The following AOPEP variants were observed in gnomAD, a reference collection of about 807,000 sequenced individuals.
AOPEP encodes aminopeptidase O (putative).
AOPEP carries 77 observed loss-of-function variants against 98.1 expected under a neutral mutation model. The ratio of observed to expected loss-of-function variants is 0.78; its 90% CI spans 0.65 to 0.95. AOPEP has a LOEUF of 0.95. Ranked by LOEUF, AOPEP falls within the 40% of genes least tolerant of loss-of-function variation. The pLI is 0.00. For missense variants in AOPEP, 1,024 were observed against 1,024.7 expected (o/e 1.00, Z 0.01); for synonymous variants, 346 against 365.3 (o/e 0.95, Z 0.60).
At chr9:94,841,602 A>G (rs377274140) in intron 5 of AOPEP, among the ~76,000 whole-genome samples, 7 of 152,206 alleles carry the variant, frequency 4.6e-5, no homozygotes, top group African/African-American at 1.7e-4. Flanking sequence ...TTGTTGGGAG[A>G]TGCTCCTATT....
chr9:95,064,870 A>G lies in AOPEP; in HGVS notation c.2232+4060A>G, dbSNP rs141449429. On this transcript the variant is annotated intron_variant, in intron 14 of 16. Transcript: ENST00000375315. ...TCTAGAGGAACTTACCAAAGGGGCA[A>G]AGAATGAAGGTTTGATGGTTGTTAC... Among the ~76,000 whole-genome samples, 34 of 152,364 alleles carry G rather than the reference A, an allele frequency of 2.2e-4. No homozygotes were observed. The East Asian group carries it at 6.0e-3, about 27-fold the overall frequency.
rs1300868819 is a variant in AOPEP at position 94,900,621 on chromosome 9, G to GA, written c.1365-23363dup. Among the ~76,000 whole-genome samples, 10 of 152,326 alleles carry GA rather than the reference G, an allele frequency of 6.6e-5. No homozygotes were observed. The Middle Eastern group carries it at 0.01, about 155-fold the overall frequency. On this transcript the variant is annotated intron_variant, in intron 5 of 16. Transcript: ENST00000375315. ...GAAAGTGTTTCATCGTGCTCGAGTA[G>GA]AAGATTTCATGGGAAACAGACTACC... is the stretch of plus-strand genomic sequence containing the variant.
At chr9:95,137,198 C>G in the AOPEP span, among the ~76,000 whole-genome samples, 8 of 152,172 alleles carry the variant, frequency 5.3e-5, no homozygotes, top group Non-Finnish European at 1.2e-4. Flanking sequence ...TGAAGCCCAG[C>G]AACTGGGTCC....
intron 13 of AOPEP, among the ~76,000 whole-genome samples, chr9:95,054,463 T>G (rs1026666666): frequency 1.3e-5 from 2 of 152,234 alleles, no homozygotes; most frequent in Non-Finnish European, 2.9e-5. Flanking sequence ...AATAATATGC[T>G]TTGTGTTAGA....
the AOPEP span, among the ~76,000 whole-genome samples, chr9:95,105,223 T>A: frequency 6.6e-6 from 1 of 152,116 alleles, no homozygotes; most frequent in African/African-American, 2.4e-5. Flanking sequence ...ATGGAGACAA[T>A]CTCCTGGCCC....
At position 94,882,338 on chromosome 9, in the gene AOPEP, C is replaced by T. The variant is rs532618174; in HGVS notation, c.1365-41648C>T. Reference sequence around the variant, plus strand: ...TGTTTGCTTGCTTTTTGCAAAGAATCATTTAAGGAGGCAATTTTTAATTTG... The same window carrying T: ...TGTTTGCTTGCTTTTTGCAAAGAATTATTTAAGGAGGCAATTTTTAATTTG... On this transcript the variant is annotated intron_variant, in intron 5 of 16. Transcript: ENST00000375315. Among the ~76,000 whole-genome samples the T allele has an allele frequency of 9.5e-4, 145 of 152,336 alleles. 1 individual carries two copies. Among genetic ancestry groups the T allele is most frequent in the African/African-American group, 3.3e-3 (138 of 41,566 alleles).
chr9:94,997,447 A>G (rs2061313274), intron 11 of AOPEP, among the ~76,000 whole-genome samples: 1 of 152,276 alleles, frequency 6.6e-6, no homozygotes, highest in East Asian at 1.9e-4. Context: ...ATAGTAACCT[A>G]TTTGAGATGG....
chr9:94,760,183 A>G lies in AOPEP; in HGVS notation c.400A>G (p.Thr134Ala), dbSNP rs748758470. The stretch of plus-strand genomic sequence containing the variant: ...TTCTAGCTCAAAGTACTGCTGTGAC[A>G]CAGGGAATCATGGGAGTGAGGATTT... ...GISSSKYCCD[T>A]GNHGSEDFLL... Residue 134 changes from threonine (T) to alanine (A), a missense_variant, in exon 2 of 17, where the codon ACA (threonine) becomes GCA (alanine). Thr to Ala is a moderately conservative substitution (Grantham distance 58). Coordinates refer to ENST00000375315, the MANE Select transcript of AOPEP (RefSeq NM_001193329.3). 3 of 1,614,222 alleles carry G rather than the reference A, an allele frequency of 1.9e-6. No homozygotes were observed. The highest frequency in any genetic ancestry group is 2.5e-6 in the Non-Finnish European group (3 of 1,180,044).
chr9:94,898,807 G>T (rs974715371), intron 5 of AOPEP, among the ~76,000 whole-genome samples: 5 of 151,542 alleles, frequency 3.3e-5, no homozygotes, highest in African/African-American at 1.2e-4. Context: ...GCAGGGCGTG[G>T]TGGCAGGCGC....
intron 5 of AOPEP, among the ~76,000 whole-genome samples, chr9:94,907,034 G>A (rs10821413): frequency 7.9e-5 from 12 of 151,844 alleles, no homozygotes; most frequent in African/African-American, 2.9e-4. Flanking sequence ...GTTCCAGGTC[G>A]GAATTTTCCT....
rs73654291 is a variant in AOPEP at position 94,813,136 on chromosome 9, A to G, written c.1364+12134A>G. 6.6e-3 allele frequency among the ~76,000 whole-genome samples: 1,005 copies of G among 152,280 alleles called. 8 individuals carry two copies. Among genetic ancestry groups the G allele is most frequent in the African/African-American group, 0.023 (967 of 41,548 alleles). On this transcript the variant is annotated intron_variant, in intron 5 of 16. Coordinates refer to ENST00000375315, the MANE Select transcript of AOPEP (RefSeq NM_001193329.3). ...ACGTTGTTAAGCTATAGGGTGGGTT[A>G]TAGAGTCTGCTGTGGCATTATTAGG...
At chr9:94,920,997 G>A (rs1159972269) in intron 5 of AOPEP, among the ~76,000 whole-genome samples, 1 of 148,990 alleles carries the variant, frequency 6.7e-6, no homozygotes. Context: ...AAGAGGGCTT[G>A]TGTTTTTTGA....
the AOPEP span, among the ~76,000 whole-genome samples, chr9:95,127,639 G>C: frequency 6.6e-6 from 1 of 152,220 alleles, no homozygotes; most frequent in African/African-American, 2.4e-5. Flanking sequence ...TAGTGGATCA[G>C]GCGCTATTGG....
At chr9:95,063,058 C>T (rs765068897) in intron 14 of AOPEP, among the ~76,000 whole-genome samples, 4 of 152,176 alleles carry the variant, frequency 2.6e-5, no homozygotes, top group Non-Finnish European at 5.9e-5. Context: ...CAAAGTCAGC[C>T]ATCTTGTATG....
chr9:95,068,926 C>CT (rs35563004), intron 14 of AOPEP, among the ~76,000 whole-genome samples: 14 of 152,100 alleles, frequency 9.2e-5, no homozygotes, highest in African/African-American at 3.4e-4. Flanking sequence ...GTTTCTTTTC[C>CT]TTTTTTAGGC....
rs1412889636 is a variant in AOPEP at position 94,945,599 on chromosome 9, C to G, written c.1662-9578C>G. On this transcript the variant is annotated intron_variant, in intron 7 of 16. Coordinates refer to ENST00000375315, the MANE Select transcript of AOPEP (RefSeq NM_001193329.3). Reference sequence around the variant, plus strand: ...CCCTCCACCCCTGCCGCTGCCGCCCCCATGCCTAGGGCCGTGCTGTCCTCC... The same window carrying G: ...CCCTCCACCCCTGCCGCTGCCGCCCGCATGCCTAGGGCCGTGCTGTCCTCC... 7.2e-5 allele frequency among the ~76,000 whole-genome samples: 11 copies of G among 152,284 alleles called. 1 individual carries two copies. In the East Asian group the frequency reaches 7.7e-4, roughly 11 times the overall value.
intron 11 of AOPEP, among the ~76,000 whole-genome samples, chr9:94,983,784 T>G (rs573261796): frequency 6.6e-6 from 1 of 152,240 alleles, no homozygotes; most frequent in East Asian, 1.9e-4. Flanking sequence ...CCTCTCCCTC[T>G]CTTTAGCATA....
intron 7 of AOPEP, among the ~76,000 whole-genome samples, chr9:94,949,636 A>T (rs2057954661): frequency 1.3e-5 from 2 of 152,256 alleles, no homozygotes; most frequent in African/African-American, 4.8e-5. Context: ...AGACAGTCAC[A>T]CCTGCCAAAT....
chr9:95,010,625 C>T (rs79180032), intron 13 of AOPEP, among the ~76,000 whole-genome samples: 1,800 of 152,276 alleles, frequency 0.012, 39 homozygotes, highest in African/African-American at 0.042. Flanking sequence ...TTTATATAGC[C>T]GTAATCTCTT....
Sources: allele counts gnomAD v4.1 joint callset (sites outside exome capture counted in the v4.1 genomes callset), GRCh38; gene constraint gnomAD v4.1.1; transcripts MANE v1.5; gene names NCBI Gene and HGNC (gene_info 2026-07-23, HGNC 2026-07-21).